MCTP1: variants seen among roughly 807,000 people sequenced by gnomAD.
MCTP1 encodes multiple C2 and transmembrane domain-containing protein 1.
In MCTP1, 69 loss-of-function variants were observed where a neutral mutation model predicts 120.6. The ratio of observed to expected loss-of-function variants is 0.57; its 90% confidence interval spans 0.47 to 0.70. The LOEUF (loss-of-function observed/expected upper bound fraction) is 0.70, where lower values mean the gene tolerates loss of function less well. Among genes scored for constraint, MCTP1 ranks in the 30% least tolerant of loss-of-function variants. MCTP1 has a pLI of 0.00. For missense variants in MCTP1, 1,203 were observed against 1,248.8 expected, an observed-to-expected ratio of 0.96 and a Z score of 0.55; for synonymous variants, 529 against 493.1, an observed-to-expected ratio of 1.07 and a Z score of -0.96.
At position 95,044,961 on chromosome 5, in the gene MCTP1, G is replaced by A. The variant is rs114867117; in HGVS notation, c.721-27477C>T. On this transcript the variant is annotated intron_variant, in intron 1 of 22. Coordinates refer to ENST00000515393, the MANE Select transcript of MCTP1 (RefSeq NM_024717.7). ...GATCGTCAAGCATCAAAATGACTACGTCAATCTCCTGCCTAAAACTTTTTA... is the reference window on the plus strand; with the variant it reads ...GATCGTCAAGCATCAAAATGACTACATCAATCTCCTGCCTAAAACTTTTTA... Among the ~76,000 whole-genome samples the A allele has an allele frequency of 7.3e-3, 1,117 of 152,156 alleles. 16 individuals are homozygous for A. Among genetic ancestry groups the A allele is most frequent in the African/African-American group, 0.026 (1,065 of 41,504 alleles).
chr5:95,050,117 G>T (rs1444116476), intron 1 of MCTP1, among the ~76,000 whole-genome samples: 1 of 151,548 alleles, frequency 6.6e-6, no homozygotes, highest in Non-Finnish European at 1.5e-5. Context: ...ATAGCTTAGG[G>T]TTAACTAGGG....
chr5:94,961,432 A>T (rs867500830), intron 2 of MCTP1, among the ~76,000 whole-genome samples: 5 of 152,104 alleles, frequency 3.3e-5, no homozygotes, highest in Admixed American at 1.3e-4. Context: ...AAAAAGAAAG[A>T]AAATCAGAAT....
At chr5:95,062,334 A>G (rs1749450265) in intron 1 of MCTP1, among the ~76,000 whole-genome samples, 1 of 152,244 alleles carries the variant, frequency 6.6e-6, no homozygotes, top group Non-Finnish European at 1.5e-5. Flanking sequence ...GGGAAAACCC[A>G]TCACATTTAA....
intron 1 of MCTP1, among the ~76,000 whole-genome samples, chr5:95,275,337 G>A (rs1759741326): frequency 6.6e-6 from 1 of 152,168 alleles, no homozygotes; most frequent in Admixed American, 6.5e-5. Flanking sequence ...TAGAAGCTCT[G>A]GCAACACGGT....
intron 1 of MCTP1, chr5:95,081,647 A>T: frequency 7.5e-7 from 1 of 1,329,750 alleles, no homozygotes; most frequent in Non-Finnish European, 9.6e-7. Flanking sequence ...ACTTGGAATG[A>T]AAGTAAGAAG....
At chr5:94,708,701 C>A in intron 21 of MCTP1, 92 bp from the exon 22 acceptor site, 1 of 707,956 alleles carries the variant, frequency 1.4e-6, no homozygotes, top group Non-Finnish European at 2.5e-6. Context: ...ACTCAATGAA[C>A]CAATACACCC....
intron 1 of MCTP1, among the ~76,000 whole-genome samples, chr5:95,189,676 C>T (rs1312590035): frequency 2.0e-5 from 3 of 152,132 alleles, no homozygotes; most frequent in Non-Finnish European, 2.9e-5. Context: ...TTCTCTATTA[C>T]AACACCTCTA....
chr5:94,892,302 A>C (rs1802856714), intron 11 of MCTP1, among the ~76,000 whole-genome samples: 1 of 152,218 alleles, frequency 6.6e-6, no homozygotes, highest in Non-Finnish European at 1.5e-5. Flanking sequence ...AATCCGGTCA[A>C]GGGACATTAA....
chr5:95,263,690 G>A (rs1274286533), intron 1 of MCTP1, among the ~76,000 whole-genome samples: 2 of 152,172 alleles, frequency 1.3e-5, no homozygotes, highest in African/African-American at 4.8e-5. Context: ...GTGATGGAGT[G>A]GAGGAGAATA....
chr5:95,050,819 T>C (rs1745710914), intron 1 of MCTP1, among the ~76,000 whole-genome samples: 1 of 152,230 alleles, frequency 6.6e-6, no homozygotes, highest in Non-Finnish European at 1.5e-5. Flanking sequence ...GTTGTATATG[T>C]AATTAGTTAA....
At chr5:94,916,873 A>C (rs1245952393) in intron 8 of MCTP1, among the ~76,000 whole-genome samples, 1 of 152,244 alleles carries the variant, frequency 6.6e-6, no homozygotes, top group African/African-American at 2.4e-5. Context: ...CTCTAGAGTG[A>C]GGATTCTTGC....
intron 1 of MCTP1, among the ~76,000 whole-genome samples, chr5:95,151,105 C>T (rs550481773): frequency 4.4e-4 from 65 of 146,750 alleles, no homozygotes; most frequent in African/African-American, 1.5e-3. Context: ...GCTGGGACTA[C>T]AGGTGTGCAC....
Position 94,711,472 on chromosome 5 carries a change from G to A in MCTP1, c.2721-545C>T, listed in dbSNP as rs1756962788. ...CTCAGCTATGTTTGAAATAGAACTG[G>A]AAATCAGGAAAGAGGAACAAAACAG... On this transcript the variant is annotated intron_variant, in intron 20 of 22. Transcript: ENST00000515393. 1.3e-5 allele frequency among the ~76,000 whole-genome samples: 2 copies of A among 152,054 alleles called. 1 individual carries two copies. Among genetic ancestry groups the A allele is most frequent in the South Asian group, 4.1e-4 (2 of 4,822 alleles).
intron 1 of MCTP1, among the ~76,000 whole-genome samples, chr5:95,174,039 G>C (rs990850452): frequency 6.6e-6 from 1 of 152,056 alleles, no homozygotes; most frequent in Non-Finnish European, 1.5e-5. Context: ...CTAATTAAAG[G>C]GTCAATCAAG....
chr5:94,951,689 G>A (rs1345810167), intron 3 of MCTP1, among the ~76,000 whole-genome samples: 1 of 151,728 alleles, frequency 6.6e-6, no homozygotes, highest in Non-Finnish European at 1.5e-5. Flanking sequence ...GCCTATCTCA[G>A]CTCTTTATTA....
chr5:94,721,484 G>T (rs1035568970), intron 19 of MCTP1, among the ~76,000 whole-genome samples: 1 of 152,026 alleles, frequency 6.6e-6, no homozygotes, highest in African/African-American at 2.4e-5. Flanking sequence ...ACCCTCAACT[G>T]CCAAAAGACA....
chr5:95,255,897 A>C (rs930091960), intron 1 of MCTP1, among the ~76,000 whole-genome samples: 1 of 152,164 alleles, frequency 6.6e-6, no homozygotes, highest in Admixed American at 6.5e-5. Flanking sequence ...AGTGCATCCC[A>C]GCACTGCACC....
At chr5:95,187,342 G>C (rs1030310315) in intron 1 of MCTP1, among the ~76,000 whole-genome samples, 1 of 152,154 alleles carries the variant, frequency 6.6e-6, no homozygotes, top group African/African-American at 2.4e-5. Context: ...AGTGAAATAA[G>C]CCAGACCCAG....
chr5:95,007,556 C>G (rs910317470), intron 2 of MCTP1, among the ~76,000 whole-genome samples: 1 of 152,156 alleles, frequency 6.6e-6, no homozygotes, highest in African/African-American at 2.4e-5. Context: ...GATAAAATTG[C>G]TGACAGGCCC....
Sources: gnomAD v4.1 joint callset for allele counts (sites outside exome capture counted in the v4.1 genomes callset) on GRCh38, gnomAD v4.1.1 for gene constraint, MANE v1.5 for transcripts, NCBI Gene and HGNC (gene_info 2026-07-23, HGNC 2026-07-21) for gene names.